SCLT1: variants seen among roughly 807,000 people sequenced by gnomAD.
SCLT1 encodes sodium channel-associated protein 1.
SCLT1 carries 78 observed loss-of-function variants against 112.8 expected under a neutral mutation model. The observed-to-expected ratio is 0.69, with a 90% CI of 0.58 to 0.83. SCLT1 has a LOEUF of 0.83. Among genes scored for constraint, SCLT1 ranks in the 40% least tolerant of loss-of-function variants. The pLI is 0.00. For synonymous variants in SCLT1, 257 were observed against 254.7 expected, an observed-to-expected ratio of 1.01 and a Z score of -0.09; for missense variants, 747 against 770.4, an observed-to-expected ratio of 0.97 and a Z score of 0.36.
At chr4:128,888,620 C>T in intron 20 of SCLT1, 59 bp downstream of exon 20, 1 of 947,026 alleles carries the variant, frequency 1.1e-6, no homozygotes, top group Non-Finnish European at 1.6e-6. Flanking sequence ...TCCCTGGGAA[C>T]TTCTAAAAAA....
intron 2 of SCLT1, among the ~76,000 whole-genome samples, chr4:129,065,802 G>C (rs2125741909): frequency 6.6e-6 from 1 of 152,182 alleles, no homozygotes; most frequent in Admixed American, 6.5e-5. Context: ...AGTATTTCAA[G>C]TGTGAATTCT....
chr4:128,889,069 T>A (rs1242538570), intron 19 of SCLT1, among the ~76,000 whole-genome samples: 1 of 152,198 alleles, frequency 6.6e-6, no homozygotes, highest in East Asian at 1.9e-4. Context: ...TGCTTCAGAA[T>A]CACCTGGACT....
At chr4:128,967,922 C>T (rs960625056) in intron 10 of SCLT1, among the ~76,000 whole-genome samples, 5 of 152,116 alleles carry the variant, frequency 3.3e-5, no homozygotes, top group Admixed American at 6.5e-5. Flanking sequence ...AAAATCTTTG[C>T]CAGGGCCTAT....
intron 12 of SCLT1, among the ~76,000 whole-genome samples, 194 bp from the exon 13 acceptor site, chr4:128,957,318 T>C (rs2126010405): frequency 6.6e-6 from 1 of 152,288 alleles, no homozygotes; most frequent in African/African-American, 2.4e-5. Context: ...CTAAAGACAC[T>C]TTCTCTATGG....
At chr4:128,920,679 A>G (rs780604964) in intron 18 of SCLT1, among the ~76,000 whole-genome samples, 1 of 152,246 alleles carries the variant, frequency 6.6e-6, no homozygotes, top group Non-Finnish European at 1.5e-5. Flanking sequence ...GATAAAAGCC[A>G]TATATGATAG....
chr4:128,977,319 A>T (rs1345181761), intron 9 of SCLT1, among the ~76,000 whole-genome samples: 3 of 152,078 alleles, frequency 2.0e-5, no homozygotes, highest in Admixed American at 1.3e-4. Flanking sequence ...CAGGAGTCCT[A>T]GAGTTATTTT....
At chr4:129,062,789 A>G (rs1242580752) in intron 2 of SCLT1, among the ~76,000 whole-genome samples, 1 of 152,198 alleles carries the variant, frequency 6.6e-6, no homozygotes, top group Non-Finnish European at 1.5e-5. Context: ...GTATGTTATA[A>G]GTCCTTTTCT....
At chr4:128,925,951 T>A (rs1736263137) in intron 18 of SCLT1, among the ~76,000 whole-genome samples, 1 of 151,968 alleles carries the variant, frequency 6.6e-6, no homozygotes, top group South Asian at 2.1e-4. Flanking sequence ...CATGTGTTCC[T>A]TTAAATCACT....
chr4:128,876,281 T>C (rs1732517952), intron 4 of SCLT1, among the ~76,000 whole-genome samples: 2 of 152,128 alleles, frequency 1.3e-5, no homozygotes, highest in African/African-American at 4.8e-5. Context: ...TTAGTGACTA[T>C]TTACTTCCAT....
chr4:129,088,340 T>G (rs939859897), intron 1 of SCLT1, among the ~76,000 whole-genome samples: 1 of 152,178 alleles, frequency 6.6e-6, no homozygotes, highest in Non-Finnish European at 1.5e-5. Context: ...TGATAAAAAC[T>G]CTCAGCAAAT....
intron 18 of SCLT1, among the ~76,000 whole-genome samples, chr4:128,906,812 C>G (rs1436418324): frequency 6.6e-6 from 1 of 152,150 alleles, no homozygotes; most frequent in African/African-American, 2.4e-5. Flanking sequence ...GAAACAAGAT[C>G]TAGTCACTGC....
At chr4:128,876,395 G>T (rs752691456) in intron 4 of SCLT1, 5 of 152,072 alleles carry the variant, frequency 3.3e-5, no homozygotes, top group African/African-American at 4.8e-5. Context: ...TAAGTCCCCA[G>T]GAGCCAAAGG....
chr4:129,003,601 C>A, intron 6 of SCLT1, 140 bp downstream of exon 6: 1 of 657,140 alleles, frequency 1.5e-6, no homozygotes, highest in Non-Finnish European at 2.4e-6. Flanking sequence ...AGTGTTGCTA[C>A]CTGTAACGAT....
intron 5 of SCLT1, among the ~76,000 whole-genome samples, chr4:129,006,533 G>C (rs1229241805): frequency 2.4e-5 from 1 of 41,874 alleles, no homozygotes; most frequent in East Asian, 7.3e-4. Flanking sequence ...GCAAGACTCT[G>C]TCTCAAAAAA....
At chr4:128,909,604 A>T (rs1348362879) in intron 18 of SCLT1, among the ~76,000 whole-genome samples, 1 of 152,214 alleles carries the variant, frequency 6.6e-6, no homozygotes, top group Non-Finnish European at 1.5e-5. Flanking sequence ...ATGTTTATTT[A>T]TTCAATAATT....
At chr4:129,000,454 T>G (rs1017403102) in intron 6 of SCLT1, among the ~76,000 whole-genome samples, 7 of 152,158 alleles carry the variant, frequency 4.6e-5, no homozygotes, top group African/African-American at 1.7e-4. Flanking sequence ...CAGTATTATC[T>G]AAGTGTGGTA....
chr4:129,067,883 GT>G (rs1271874983), intron 2 of SCLT1, among the ~76,000 whole-genome samples: 1 of 150,838 alleles, frequency 6.6e-6, no homozygotes, highest in Admixed American at 6.6e-5. Context: ...AACAGGTGGT[GT>G]TTGGTTACAT....
chr4:128,947,810 A>G (rs2125995733), intron 15 of SCLT1, among the ~76,000 whole-genome samples: 2 of 152,266 alleles, frequency 1.3e-5, no homozygotes, highest in Middle Eastern at 3.4e-3. Flanking sequence ...TAAAATCTGT[A>G]CTTCTAAAAG....
intron 18 of SCLT1, among the ~76,000 whole-genome samples, chr4:128,895,836 C>G (rs1328279154): frequency 6.6e-6 from 1 of 152,232 alleles, no homozygotes; most frequent in Non-Finnish European, 1.5e-5. Flanking sequence ...TCACTCCCAC[C>G]CTTAATACTG....
Sources: allele counts gnomAD v4.1 joint callset (sites outside exome capture counted in the v4.1 genomes callset), GRCh38; gene constraint gnomAD v4.1.1; transcripts MANE v1.5; gene names NCBI Gene and HGNC (gene_info 2026-07-23, HGNC 2026-07-21).